STAM: variants seen among roughly 807,000 people sequenced by gnomAD.
The protein encoded by STAM is signal transducing adapter molecule 1.
Under a neutral mutation model 63.4 loss-of-function variants are expected in STAM, and 16 were observed. That is an observed-to-expected ratio of 0.25 (90% CI 0.17 to 0.38). The LOEUF (loss-of-function observed/expected upper bound fraction) is 0.38, where lower values mean the gene tolerates loss of function less well. Ranked by LOEUF, STAM falls within the 10% of genes least tolerant of loss-of-function variation. STAM has a pLI of 1.00. For synonymous variants in STAM, 238 were observed against 223.9 expected (o/e 1.06, Z -0.56); for missense variants, 636 against 657.1 (o/e 0.97, Z 0.35).
chr10:17,665,594 A>G lies in STAM; in HGVS notation c.125+5046A>G, dbSNP rs564172346. 7.6e-4 allele frequency among the ~76,000 whole-genome samples: 116 copies of G among 152,182 alleles called. 2 individuals carry two copies. The highest frequency in any genetic ancestry group is 3.4e-3 in the Middle Eastern group (1 of 294). On this transcript the variant is annotated intron_variant, in intron 2 of 13. Transcript: ENST00000377524. Reference sequence around the variant, plus strand: ...TTAGAAATGTATTTCTTTTAAGTCTATTAGTATTGGACAAATTTGGAAATT... The same window carrying G: ...TTAGAAATGTATTTCTTTTAAGTCTGTTAGTATTGGACAAATTTGGAAATT...
chr10:17,644,183 C>G lies in STAM; in HGVS notation c.-157C>G. The G allele has an allele frequency of 1.4e-6, 1 of 733,784 alleles. No individual in the cohort carries two copies. Among genetic ancestry groups the G allele is most frequent in the East Asian group, 2.8e-5 (1 of 35,242 alleles). The allele number at this position is 733,784 out of a possible 1,614,324, so 45.5% of individuals were successfully genotyped here. A position where few individuals can be genotyped will look rare whatever the true frequency, so the allele number is the denominator to read the frequency against. The stretch of plus-strand genomic sequence containing the variant: ...GTTGCCGCCGCCGCAGCTGCTGCCG[C>G]GGTTGGTGGGGTTGGGTGAGAGGAG... On this transcript the variant is annotated 5_prime_UTR_variant, in exon 1 of 14. Transcript: ENST00000377524.
intron 1 of STAM, among the ~76,000 whole-genome samples, chr10:17,651,817 C>A (rs1229109243): frequency 6.6e-6 from 1 of 152,200 alleles, no homozygotes; most frequent in Non-Finnish European, 1.5e-5. Flanking sequence ...ACTGTTACAT[C>A]TTCGGGCTGA....
chr10:17,703,327 A>G (rs1471009494), intron 9 of STAM, among the ~76,000 whole-genome samples: 1 of 151,150 alleles, frequency 6.6e-6, no homozygotes, highest in Non-Finnish European at 1.5e-5. Flanking sequence ...TTGACTTGGG[A>G]AGAGTTTTTT....
intron 11 of STAM, 85 bp downstream of exon 11, chr10:17,705,109 T>TA (rs11419676): frequency 0.065 from 66,555 of 1,018,226 alleles, 1,337 homozygotes; most frequent in Middle Eastern, 0.12. Flanking sequence ...AACTGCCTTT[T>TA]AAAAAAAAAA....
At chr10:17,711,153 A>G (rs1836536737) in intron 13 of STAM, among the ~76,000 whole-genome samples, 1 of 152,146 alleles carries the variant, frequency 6.6e-6, no homozygotes, top group African/African-American at 2.4e-5. Context: ...CTCAGTTTAT[A>G]TATATCTGAG....
intron 4 of STAM, among the ~76,000 whole-genome samples, chr10:17,687,613 A>G (rs1589078760): frequency 6.6e-6 from 1 of 152,256 alleles, no homozygotes; most frequent in Admixed American, 6.5e-5. Flanking sequence ...ATAATTAAGC[A>G]TCATGGAAAA....
At chr10:17,670,817 G>T (rs112946907) in intron 2 of STAM, among the ~76,000 whole-genome samples, 164 of 134,990 alleles carry the variant, frequency 1.2e-3, no homozygotes, top group Non-Finnish European at 2.3e-3. Context: ...AACATTAAGG[G>T]AATAATTTGA....
chr10:17,666,530 G>A (rs1834390363), intron 2 of STAM, among the ~76,000 whole-genome samples: 1 of 151,922 alleles, frequency 6.6e-6, no homozygotes, highest in Admixed American at 6.6e-5. Flanking sequence ...GAGTAGCTGG[G>A]ACTACAGGCA....
At chr10:17,672,992 T>C in intron 2 of STAM, 1 of 982,708 alleles carries the variant, frequency 1.0e-6, no homozygotes, top group Non-Finnish European at 1.2e-6. Flanking sequence ...AAAGAGAGGA[T>C]GTGTCTTACA....
At chr10:17,664,943 G>A (rs577380587) in intron 2 of STAM, among the ~76,000 whole-genome samples, 7 of 152,192 alleles carry the variant, frequency 4.6e-5, no homozygotes, top group Non-Finnish European at 8.8e-5. Context: ...TTTGTAACTA[G>A]TAATATATAG....
rs975620727 is a variant in STAM at position 17,709,572 on chromosome 10, C to G, written c.1385+621C>G. Among the ~76,000 whole-genome samples the G allele has an allele frequency of 5.9e-5, 9 of 152,062 alleles. No homozygotes were observed. In the South Asian group the frequency reaches 1.9e-3, roughly 32 times the overall value. On this transcript the variant is annotated intron_variant, in intron 13 of 13. Transcript: ENST00000377524. The stretch of plus-strand genomic sequence containing the variant: ...GTTAAATGATTATTGTGTGTTTTTT[C>G]TGCTTTAATGGGACTCTGAGCTGAA...
intron 12 of STAM, 103 bp from the exon 13 acceptor site, chr10:17,708,671 AGT>A: frequency 8.6e-7 from 1 of 1,158,746 alleles, no homozygotes; most frequent in East Asian, 2.5e-5. Flanking sequence ...AGGATTCCAG[AGT>A]GGTGATTTTT....
chr10:17,645,879 T>G (rs559020584), intron 1 of STAM, among the ~76,000 whole-genome samples: 59 of 152,322 alleles, frequency 3.9e-4, no homozygotes, highest in Non-Finnish European at 6.5e-4. Context: ...AATACTTGCT[T>G]CTTCTGTTTA....
rs1264420665 is a variant in STAM at position 17,715,515 on chromosome 10, A to G, written c.*735A>G. 1 of 152,582 alleles carries G rather than the reference A, an allele frequency of 6.6e-6. No individual in the cohort carries two copies. Among genetic ancestry groups the G allele is most frequent in the Non-Finnish European group, 1.5e-5 (1 of 68,028 alleles). 9.5% of individuals were successfully genotyped at this position (152,582 alleles called of 1,614,324 possible). ...TTTGGTGCAATTATAGCAAATGATA[A>G]TGTTCCCTTTTGAACTTTTACATTT... is the stretch of plus-strand genomic sequence containing the variant. On this transcript the variant is annotated 3_prime_UTR_variant, in exon 14 of 14. Coordinates refer to ENST00000377524, the MANE Select transcript of STAM (RefSeq NM_003473.4).
Position 17,652,001 on chromosome 10 carries a change from CTG to C in STAM, c.40+7626_40+7627del, listed in dbSNP as rs765752990. ...AGACTATTGAAATTCAAATGAGGCTCTGTGTATGTTTTTTCTGGGTACTGCTG... is the reference window on the plus strand; with the variant it reads ...AGACTATTGAAATTCAAATGAGGCTCTGTATGTTTTTTCTGGGTACTGCTG... On this transcript the variant is annotated intron_variant, in intron 1 of 13. Transcript: ENST00000377524. 1.1e-3 allele frequency among the ~76,000 whole-genome samples: 163 copies of C among 152,296 alleles called. 2 individuals carry two copies. Among genetic ancestry groups the C allele is most frequent in the Admixed American group, 3.3e-3 (50 of 15,302 alleles).
At chr10:17,646,540 G>A (rs1554820853) in intron 1 of STAM, among the ~76,000 whole-genome samples, 1 of 152,170 alleles carries the variant, frequency 6.6e-6, no homozygotes, top group African/African-American at 2.4e-5. Flanking sequence ...GTTTAATAAT[G>A]TTTGTTGAGT....
intron 5 of STAM, among the ~76,000 whole-genome samples, chr10:17,688,590 G>A (rs554781670): frequency 3.3e-5 from 5 of 152,036 alleles, no homozygotes; most frequent in Non-Finnish European, 7.4e-5. Flanking sequence ...AGCCTCCTGA[G>A]TAGCTGGGAC....
At chr10:17,707,755 A>C (rs1324587513) in intron 12 of STAM, among the ~76,000 whole-genome samples, 1 of 152,186 alleles carries the variant, frequency 6.6e-6, no homozygotes, top group Admixed American at 6.5e-5. Flanking sequence ...GGAAGGATCT[A>C]ATGAATACTG....
chr10:17,709,594 T>C (rs1164417937), intron 13 of STAM, among the ~76,000 whole-genome samples: 2 of 152,180 alleles, frequency 1.3e-5, no homozygotes, highest in Admixed American at 1.3e-4. Flanking sequence ...GACTCTGAGC[T>C]GAAATCTTTT....
Sources: gnomAD v4.1 joint callset for allele counts (sites outside exome capture counted in the v4.1 genomes callset) on GRCh38, gnomAD v4.1.1 for gene constraint, MANE v1.5 for transcripts, NCBI Gene and HGNC (gene_info 2026-07-23, HGNC 2026-07-21) for gene names.